The following TDRD3 variants were observed in gnomAD, a reference collection of about 807,000 sequenced individuals.
TDRD3 encodes tudor domain-containing protein 3.
TDRD3 carries 45 observed loss-of-function variants against 86.7 expected under a neutral mutation model. The observed-to-expected ratio is 0.52, with a 90% CI of 0.41 to 0.67. The LOEUF is 0.67. Ranked by LOEUF, TDRD3 falls within the 30% of genes least tolerant of loss-of-function variation. The pLI, the probability that TDRD3 is intolerant of heterozygous loss-of-function variation, is 0.00. For missense variants in TDRD3, 814 were observed against 889.0 expected (o/e 0.92, Z 1.07); for synonymous variants, 298 against 301.7 (o/e 0.99, Z 0.13).
chr13:60,568,267 C>G (rs1038817038), intron 13 of TDRD3, among the ~76,000 whole-genome samples: 1 of 152,172 alleles, frequency 6.6e-6, no homozygotes, highest in Non-Finnish European at 1.5e-5. Context: ...TTCTGAATTA[C>G]TGTAGCCAGC....
chr13:60,514,439 T>G (rs1957125718), intron 10 of TDRD3, among the ~76,000 whole-genome samples: 1 of 152,224 alleles, frequency 6.6e-6, no homozygotes, highest in Admixed American at 6.5e-5. Flanking sequence ...CAAGGTTTAG[T>G]AACTTTGTTG....
At chr13:60,558,896 A>T (rs1958265030) in intron 12 of TDRD3, among the ~76,000 whole-genome samples, 1 of 151,874 alleles carries the variant, frequency 6.6e-6, no homozygotes, top group Admixed American at 6.5e-5. Context: ...AAGAAATAAA[A>T]GTTAAGCTGG....
At chr13:60,563,232 T>TTAAA (rs1958377490) in intron 12 of TDRD3, among the ~76,000 whole-genome samples, 1 of 135,046 alleles carries the variant, frequency 7.4e-6, no homozygotes, top group Non-Finnish European at 1.6e-5. Context: ...CATATCAATT[T>TTAAA]AAAAAAAAAA....
Position 60,528,791 on chromosome 13 carries a change from T to C in TDRD3, c.1566T>C (p.Pro522=), listed in dbSNP as rs781077248. The C allele has an allele frequency of 1.2e-6, 2 of 1,613,934 alleles. No individual in the cohort carries two copies. Among genetic ancestry groups the C allele is most frequent in the East Asian group, 4.5e-5 (2 of 44,872 alleles). Residue 522 remains proline (P), a synonymous_variant, in exon 11 of 14, where the codon CCT becomes CCC. Coordinates refer to ENST00000377881, the MANE Select transcript of TDRD3 (RefSeq NM_001146070.2). ...SFAEAKENPL[P]QGSVDYNNQK... ...CAGAGGCAAAAGAAAATCCACTTCC[T>C]CAAGGATCTGTAGATTATAATAATC... is the stretch of plus-strand genomic sequence containing the variant.
At chr13:60,458,554 T>G (rs1955730958) in intron 3 of TDRD3, among the ~76,000 whole-genome samples, 1 of 152,104 alleles carries the variant, frequency 6.6e-6, no homozygotes, top group Admixed American at 6.6e-5. Context: ...AAACATTAAA[T>G]AAAAGCAAAT....
chr13:60,426,924 C>T (rs1723138272), intron 1 of TDRD3, among the ~76,000 whole-genome samples: 1 of 152,164 alleles, frequency 6.6e-6, no homozygotes, highest in Non-Finnish European at 1.5e-5. Context: ...GCCTGTTGCT[C>T]CTAGGCTACC....
chr13:60,487,179 T>C (rs1355077222), intron 7 of TDRD3, among the ~76,000 whole-genome samples: 2 of 152,218 alleles, frequency 1.3e-5, no homozygotes, highest in Admixed American at 6.5e-5. Flanking sequence ...TAAGGAATTA[T>C]AAGTAATCTA....
At chr13:60,500,011 G>A (rs1042205427) in intron 8 of TDRD3, among the ~76,000 whole-genome samples, 1 of 152,198 alleles carries the variant, frequency 6.6e-6, no homozygotes, top group Admixed American at 6.5e-5. Flanking sequence ...AGGTGTCAGT[G>A]GCACAGATGC....
At chr13:60,440,604 C>A (rs1335492184) in intron 2 of TDRD3, among the ~76,000 whole-genome samples, 1 of 152,010 alleles carries the variant, frequency 6.6e-6, no homozygotes, top group Non-Finnish European at 1.5e-5. Flanking sequence ...TCGCTTGAAC[C>A]CAGGAGGTGG....
At chr13:60,448,373 G>T (rs1161346947) in intron 3 of TDRD3, among the ~76,000 whole-genome samples, 1 of 152,106 alleles carries the variant, frequency 6.6e-6, no homozygotes, top group Non-Finnish European at 1.5e-5. Flanking sequence ...TTTGGGAGAA[G>T]ACAGAATGGC....
chr13:60,517,455 A>G lies in TDRD3; in HGVS notation c.1141+6700A>G, dbSNP rs538281360. ...TTATTGCATCAAACAGCATTACTAC[A>G]TATTGATGGAAATCTATGGTAGAGT... On this transcript the variant is annotated intron_variant, in intron 10 of 13. Coordinates refer to ENST00000377881, the MANE Select transcript of TDRD3 (RefSeq NM_001146070.2). Among the ~76,000 whole-genome samples, 126 of 152,310 alleles carry G rather than the reference A, an allele frequency of 8.3e-4. 1 individual carries two copies. The highest frequency in any genetic ancestry group is 1.3e-3 in the Non-Finnish European group (89 of 68,024).
At chr13:60,431,320 C>T (rs1163669706) in intron 1 of TDRD3, among the ~76,000 whole-genome samples, 2 of 151,924 alleles carry the variant, frequency 1.3e-5, no homozygotes, top group Non-Finnish European at 2.9e-5. Flanking sequence ...TCAAGTAGTA[C>T]AGCTTTCACA....
At chr13:60,533,748 T>C (rs1290833475) in intron 11 of TDRD3, among the ~76,000 whole-genome samples, 1 of 152,182 alleles carries the variant, frequency 6.6e-6, no homozygotes, top group Non-Finnish European at 1.5e-5. Context: ...TTTGTGTCCA[T>C]TTCACCTTTC....
chr13:60,488,678 A>G (rs1054116626), intron 7 of TDRD3, among the ~76,000 whole-genome samples: 5 of 151,886 alleles, frequency 3.3e-5, no homozygotes, highest in Admixed American at 1.3e-4. Context: ...GGTTCAAGCT[A>G]TTCTCCAGCC....
chr13:60,418,715 C>G (rs1954583620), intron 1 of TDRD3, among the ~76,000 whole-genome samples: 1 of 152,148 alleles, frequency 6.6e-6, no homozygotes, highest in Non-Finnish European at 1.5e-5. Flanking sequence ...TTTCATCACC[C>G]AAGAAAGTTT....
chr13:60,534,031 CCAGA>C, intron 11 of TDRD3, among the ~76,000 whole-genome samples: 1 of 152,284 alleles, frequency 6.6e-6, no homozygotes, highest in South Asian at 2.1e-4. Context: ...TAGTTATTGG[CCAGA>C]CATAGTGGCT....
At chr13:60,528,293 A>G in intron 10 of TDRD3, 74 bp from the exon 11 acceptor site, 2 of 1,429,824 alleles carry the variant, frequency 1.4e-6, no homozygotes, top group Middle Eastern at 3.8e-4. Flanking sequence ...TATTAATAGA[A>G]TAAAGCATTT....
chr13:60,490,050 GTTT>G (rs11397531), intron 7 of TDRD3, among the ~76,000 whole-genome samples: 1 of 111,042 alleles, frequency 9.0e-6, no homozygotes. Context: ...AAGCATCTTA[GTTT>G]TTTTTTTTTT....
At chr13:60,467,623 CTG>C (rs1257307823) in intron 5 of TDRD3, among the ~76,000 whole-genome samples, 2 of 152,162 alleles carry the variant, frequency 1.3e-5, no homozygotes, top group East Asian at 3.8e-4. Flanking sequence ...AGTTTCAAAA[CTG>C]TCAAGATACC....
Sources: gnomAD v4.1 joint callset for allele counts (sites outside exome capture counted in the v4.1 genomes callset) on GRCh38, gnomAD v4.1.1 for gene constraint, MANE v1.5 for transcripts, NCBI Gene and HGNC (gene_info 2026-07-23, HGNC 2026-07-21) for gene names.